The following CFAP92 variants were observed in gnomAD, a reference collection of about 807,000 sequenced individuals.
The protein encoded by CFAP92 is cilia and flagella associated protein 92 (putative), also known as uncharacterized protein CFAP92.
In CFAP92, 86 loss-of-function variants were observed where a neutral mutation model predicts 106.3. The ratio of observed to expected loss-of-function variants is 0.81; its 90% confidence interval spans 0.68 to 0.97. The LOEUF (loss-of-function observed/expected upper bound fraction) is 0.97, where lower values mean the gene tolerates loss of function less well. Ranked by LOEUF, CFAP92 falls within the 50% of genes least tolerant of loss-of-function variation. The pLI, the probability that CFAP92 is intolerant of heterozygous loss-of-function variation, is 0.00. For synonymous variants in CFAP92, 477 were observed against 506.4 expected (o/e 0.94, Z 0.78); for missense variants, 1,204 against 1,283.8 (o/e 0.94, Z 0.95).
chr3:128,987,070 A>C (rs1452913148), intron 4 of CFAP92, among the ~76,000 whole-genome samples: 1 of 152,194 alleles, frequency 6.6e-6, no homozygotes, highest in Non-Finnish European at 1.5e-5. Context: ...CTGAGGCAGG[A>C]GAATGGCTTG....
chr3:128,958,391 C>G (rs1338559675), intron 9 of CFAP92, among the ~76,000 whole-genome samples: 2 of 152,096 alleles, frequency 1.3e-5, no homozygotes, highest in African/African-American at 2.4e-5. Flanking sequence ...CATACATGTA[C>G]AATAAAATGG....
At chr3:128,984,131 A>G (rs1470569646) in intron 4 of CFAP92, among the ~76,000 whole-genome samples, 1 of 152,198 alleles carries the variant, frequency 6.6e-6, no homozygotes, top group African/African-American at 2.4e-5. Context: ...GGGGGCTTTG[A>G]AAAGAATGCT....
intron 7 of CFAP92, among the ~76,000 whole-genome samples, chr3:128,972,559 A>G (rs1942878569): frequency 6.7e-6 from 1 of 150,274 alleles, no homozygotes; most frequent in Admixed American, 6.6e-5. Flanking sequence ...TCTTTTTTTT[A>G]AGAGGTGATG....
chr3:128,938,483 T>C (rs1044836559), intron 10 of CFAP92, among the ~76,000 whole-genome samples: 1 of 133,026 alleles, frequency 7.5e-6, no homozygotes, highest in South Asian at 2.6e-4. Flanking sequence ...GTGTGTGCCT[T>C]CACCATTCTT....
chr3:128,910,409 C>A, intron 15 of CFAP92, 76 bp from the exon 16 acceptor site: 1 of 1,381,604 alleles, frequency 7.2e-7, no homozygotes, highest in Non-Finnish European at 9.6e-7. Context: ...AGACCCTGCA[C>A]ATTGCCCGCT....
chr3:128,967,167 A>T (rs183690915), intron 8 of CFAP92: 1 of 152,308 alleles, frequency 6.6e-6, no homozygotes, highest in East Asian at 1.9e-4. Context: ...ATGCCTGTAA[A>T]TGTATTTCTA....
At chr3:128,934,609 C>T (rs1398031024) in intron 11 of CFAP92, among the ~76,000 whole-genome samples, 1 of 152,160 alleles carries the variant, frequency 6.6e-6, no homozygotes, top group Non-Finnish European at 1.5e-5. Flanking sequence ...CAGCTCACTG[C>T]AATCTCTGCC....
At chr3:128,943,942 T>A (rs1169517166) in intron 10 of CFAP92, among the ~76,000 whole-genome samples, 2 of 126,572 alleles carry the variant, frequency 1.6e-5, no homozygotes, top group South Asian at 2.7e-4. Context: ...TTTTTTTTTT[T>A]AATTTGAGAC....
At chr3:128,956,165 T>A (rs1429202648) in intron 9 of CFAP92, among the ~76,000 whole-genome samples, 4 of 69,842 alleles carry the variant, frequency 5.7e-5, no homozygotes, top group African/African-American at 7.7e-5. Flanking sequence ...ACCCAAGAAT[T>A]ATCAATAAAA....
chr3:128,991,716 C>A, intron 2 of CFAP92: 1 of 996,046 alleles, frequency 1.0e-6, no homozygotes. Context: ...ATTGAAACAG[C>A]ATGTTGCTCC....
At chr3:128,918,431 C>T (rs1936997546) in intron 12 of CFAP92, among the ~76,000 whole-genome samples, 1 of 152,288 alleles carries the variant, frequency 6.6e-6, no homozygotes, top group East Asian at 1.9e-4. Context: ...CGAGATCATG[C>T]CACTCTACTC....
chr3:129,003,924 G>A (rs1435505585), upstream of CFAP92: 9 of 1,369,468 alleles, frequency 6.6e-6, no homozygotes, highest in Admixed American at 3.4e-5. Flanking sequence ...CGGCTGCGCC[G>A]TGGCCAGGCC....
rs1354821115 is a variant in CFAP92, at chr3:128,988,859, T to G, written c.322A>C (p.Ser108Arg). 1 of 1,613,608 alleles carries G rather than the reference T, an allele frequency of 6.2e-7. No individual in the cohort carries two copies. Among genetic ancestry groups the G allele is most frequent in the Non-Finnish European group, 8.5e-7 (1 of 1,179,536 alleles). ...EKYKKHPKTD[S>R]SVTKMRRFYH... ...AAACGACGCATCTTTGTAACAGAAC[T>G]GTCTGTTTTAGGGTGTTTCTTATAT... The change falls in exon 3 of 16, where the codon AGT (serine) becomes CGT (arginine). Residue 108 changes from serine (S) to arginine (R), a missense_variant. By Grantham distance (110) the Ser-to-Arg change is moderately radical (BLOSUM62 -1). Coordinates refer to ENST00000645291, the MANE Select transcript of CFAP92 (RefSeq NM_001394090.1).
chr3:128,984,578 C>G (rs940187264), intron 4 of CFAP92, among the ~76,000 whole-genome samples: 1 of 152,166 alleles, frequency 6.6e-6, no homozygotes, highest in African/African-American at 2.4e-5. Context: ...GTCGGCCTCC[C>G]TATTTTTGAG....
intron 7 of CFAP92, among the ~76,000 whole-genome samples, chr3:128,975,541 G>T (rs1363244402): frequency 6.6e-6 from 1 of 151,968 alleles, no homozygotes; most frequent in Non-Finnish European, 1.5e-5. Context: ...GATGAATAGA[G>T]ATGGATGGAT....
intron 9 of CFAP92, among the ~76,000 whole-genome samples, chr3:128,959,869 G>A (rs1218815813): frequency 5.9e-5 from 9 of 152,156 alleles, no homozygotes; most frequent in Admixed American, 3.3e-4. Flanking sequence ...TGACTTGCAC[G>A]TATACATCCA....
intron 10 of CFAP92, among the ~76,000 whole-genome samples, chr3:128,944,518 C>T (rs1425761328): frequency 2.0e-5 from 3 of 151,914 alleles, no homozygotes; most frequent in African/African-American, 4.8e-5. Context: ...GACGGAGATC[C>T]GATCTACCCA....
At chr3:129,024,526 G>A in the CFAP92 span, among the ~76,000 whole-genome samples, 1 of 149,356 alleles carries the variant, frequency 6.7e-6, no homozygotes, top group African/African-American at 2.5e-5. Context: ...GCAAGACTCC[G>A]TCGCAAAAAA....
At chr3:128,987,566 A>C (rs1035636280) in intron 4 of CFAP92, 50 bp downstream of exon 4, 1 of 1,498,726 alleles carries the variant, frequency 6.7e-7, no homozygotes, top group African/African-American at 1.4e-5. Flanking sequence ...TGCTGTTACT[A>C]GTGAGTAAGC....
Sources: gnomAD v4.1 joint callset for allele counts (sites outside exome capture counted in the v4.1 genomes callset) on GRCh38, gnomAD v4.1.1 for gene constraint, MANE v1.5 for transcripts, NCBI Gene and HGNC (gene_info 2026-07-23, HGNC 2026-07-21) for gene names.